Variants in ME3 observed in about 807,000 individuals in gnomAD.
ME3 encodes NADP-dependent malic enzyme, mitochondrial.
Under a neutral mutation model 68.9 loss-of-function variants are expected in ME3, and 48 were observed. The ratio of observed to expected loss-of-function variants is 0.70; its 90% CI spans 0.55 to 0.89. The LOEUF is 0.89. Ranked by LOEUF, ME3 falls within the 40% of genes least tolerant of loss-of-function variation. ME3 has a pLI of 0.00. For synonymous variants in ME3, 320 were observed against 318.8 expected, an observed-to-expected ratio of 1.00 and a Z score of -0.04; for missense variants, 675 against 797.4, an observed-to-expected ratio of 0.85 and a Z score of 1.85.
At chr11:86,594,369 T>C (rs1042138453) in intron 2 of ME3, among the ~76,000 whole-genome samples, 8 of 146,284 alleles carry the variant, frequency 5.5e-5, no homozygotes, top group Non-Finnish European at 1.2e-4. Flanking sequence ...TACAAGTACA[T>C]TGAAGAGACA....
intron 5 of ME3, 92 bp downstream of exon 5, chr11:86,508,700 T>C: frequency 8.1e-7 from 1 of 1,237,078 alleles, no homozygotes. Flanking sequence ...TTCAGTGTCA[T>C]AATGGCTCAT....
intron 2 of ME3, among the ~76,000 whole-genome samples, chr11:86,643,526 T>C (rs1944803053): frequency 6.6e-6 from 1 of 152,202 alleles, no homozygotes. Context: ...GGAAAGAGGT[T>C]ACAGCAACCT....
At chr11:86,556,879 G>C (rs1389754119) in intron 3 of ME3, among the ~76,000 whole-genome samples, 177 bp from the exon 4 acceptor site, 5 of 152,166 alleles carry the variant, frequency 3.3e-5, no homozygotes, top group African/African-American at 9.7e-5. Flanking sequence ...TGACCTGCTT[G>C]TGGTGCTTAT....
intron 2 of ME3, among the ~76,000 whole-genome samples, chr11:86,648,200 T>C (rs557297860): frequency 6.8e-4 from 104 of 152,284 alleles, no homozygotes; most frequent in African/African-American, 2.4e-3. Flanking sequence ...AAGAAGTTCT[T>C]TGAAACCAGT....
intron 4 of ME3, among the ~76,000 whole-genome samples, chr11:86,556,350 C>A (rs1956923937): frequency 6.6e-6 from 1 of 152,152 alleles, no homozygotes; most frequent in Non-Finnish European, 1.5e-5. Flanking sequence ...GTCAATAAAC[C>A]CTTGCTAGCT....
At chr11:86,598,517 G>T (rs1049031985) in intron 2 of ME3, among the ~76,000 whole-genome samples, 1 of 152,218 alleles carries the variant, frequency 6.6e-6, no homozygotes, top group African/African-American at 2.4e-5. Flanking sequence ...CACCTCTGGG[G>T]GCAGGGCACA....
intron 6 of ME3, among the ~76,000 whole-genome samples, chr11:86,488,597 TTGGG>T (rs1402350650): frequency 6.6e-6 from 1 of 152,134 alleles, no homozygotes; most frequent in African/African-American, 2.4e-5. Context: ...TCATACGCTA[TTGGG>T]TTATCTGTGT....
chr11:86,546,789 A>G (rs1164693350), intron 4 of ME3, among the ~76,000 whole-genome samples: 1 of 152,172 alleles, frequency 6.6e-6, no homozygotes, highest in Non-Finnish European at 1.5e-5. Context: ...CCAGAAATAC[A>G]ATTTGACCCA....
intron 8 of ME3, among the ~76,000 whole-genome samples, chr11:86,462,188 T>A (rs1017735286): frequency 2.6e-5 from 4 of 152,230 alleles, no homozygotes; most frequent in Non-Finnish European, 5.9e-5. Context: ...AGTCCACTTA[T>A]ATGCAGATTT....
chr11:86,538,060 C>G (rs559311549), intron 4 of ME3, among the ~76,000 whole-genome samples: 57 of 152,328 alleles, frequency 3.7e-4, no homozygotes, highest in African/African-American at 1.3e-3. Context: ...CTGCAAGGGA[C>G]TCTAGCCCTG....
chr11:86,466,860 G>A (rs550110780), intron 7 of ME3, among the ~76,000 whole-genome samples: 6 of 152,270 alleles, frequency 3.9e-5, no homozygotes, highest in African/African-American at 1.4e-4. Flanking sequence ...GCCATAGGCC[G>A]GACCTGGCTC....
chr11:86,501,790 G>A (rs1259958391), intron 5 of ME3, among the ~76,000 whole-genome samples: 1 of 152,198 alleles, frequency 6.6e-6, no homozygotes, highest in Non-Finnish European at 1.5e-5. Context: ...AAGTTCTGCT[G>A]ATTGTGCCTG....
At chr11:86,601,351 A>G (rs966915987) in intron 2 of ME3, among the ~76,000 whole-genome samples, 12 of 152,252 alleles carry the variant, frequency 7.9e-5, no homozygotes, top group East Asian at 1.9e-4. Flanking sequence ...TAGAAAAGGT[A>G]GAAGAAATGG....
At chr11:86,436,371 AT>A (rs1364174881), downstream of ME3, 5 of 152,020 alleles carry the variant, frequency 3.3e-5, no homozygotes, top group Non-Finnish European at 7.4e-5. Flanking sequence ...TCATCTTCTT[AT>A]TAAGTTGAAG....
chr11:86,502,298 C>T (rs1461383002), intron 5 of ME3, among the ~76,000 whole-genome samples: 1 of 152,216 alleles, frequency 6.6e-6, no homozygotes, highest in African/African-American at 2.4e-5. Context: ...ATTCCCATAG[C>T]ATTTTCCTCA....
intron 4 of ME3, among the ~76,000 whole-genome samples, chr11:86,534,609 A>G (rs1955517762): frequency 6.6e-6 from 1 of 152,158 alleles, no homozygotes; most frequent in African/African-American, 2.4e-5. Flanking sequence ...TATGAGGTGG[A>G]GGTTGCAGTG....
chr11:86,440,580 T>A (rs1032890575), downstream of ME3, among the ~76,000 whole-genome samples: 2 of 152,152 alleles, frequency 1.3e-5, no homozygotes, highest in Non-Finnish European at 2.9e-5. Context: ...TTCTCTGGTT[T>A]TCCTTTTAGA....
At chr11:86,620,230 C>A (rs1943258157) in intron 2 of ME3, among the ~76,000 whole-genome samples, 1 of 152,124 alleles carries the variant, frequency 6.6e-6, no homozygotes, top group Non-Finnish European at 1.5e-5. Flanking sequence ...GAATATGAAA[C>A]AATCTTATCA....
rs115678481 is a variant in ME3, at chr11:86,456,033, A to G, written c.920-5635T>C. 6.4e-3 allele frequency among the ~76,000 whole-genome samples: 972 copies of G among 152,224 alleles called. 8 individuals are homozygous for G. The highest frequency in any genetic ancestry group is 0.023 in the African/African-American group (935 of 41,520). On this transcript the variant is annotated intron_variant, in intron 8 of 14. Coordinates refer to ENST00000543262, the Ensembl canonical transcript of ME3. The stretch of plus-strand genomic sequence containing the variant: ...TCTCTGCCTCCCTCCAAGTAACTCC[A>G]TACTTCTTACTCTCCGCCCATAAAA...
Sources: gnomAD v4.1 joint callset for allele counts (sites outside exome capture counted in the v4.1 genomes callset) on GRCh38, gnomAD v4.1.1 for gene constraint, MANE v1.5 for transcripts, NCBI Gene and HGNC (gene_info 2026-07-23, HGNC 2026-07-21) for gene names.